The following AMMECR1 variants were observed in gnomAD, a reference collection of about 807,000 sequenced individuals.
AMMECR1 encodes AMMECR nuclear protein 1.
AMMECR1 carries 3 observed loss-of-function variants against 22.5 expected under a neutral mutation model. That is an observed-to-expected ratio of 0.13 (90% CI 0.06 to 0.35). AMMECR1 has a LOEUF of 0.35. Among genes scored for constraint, AMMECR1 ranks in the 10% least tolerant of loss-of-function variants. The pLI is 1.00. For missense variants in AMMECR1, 235 were observed against 278.7 expected, an observed-to-expected ratio of 0.84 and a Z score of 1.12; for synonymous variants, 130 against 116.7, an observed-to-expected ratio of 1.11 and a Z score of -0.74.
exon 1 of AMMECR1, chrX:110,439,947 G>A (rs759543802): frequency 2.7e-5 from 3 of 110,704 alleles, no homozygotes; most frequent in African/African-American, 9.9e-5. Context: ...AATGCCTGCC[G>A]AGTCAGTTGC....
At chrX:110,404,710 T>C (rs923275025) in intron 2 of AMMECR1, among the ~76,000 whole-genome samples, 115 of 111,599 alleles carry the variant, frequency 1.0e-3, no homozygotes, top group African/African-American at 3.6e-3. Flanking sequence ...CTAAAGGCCA[T>C]TTCTGACCAC....
At chrX:110,426,012 A>T (rs1230883195) in intron 2 of AMMECR1, among the ~76,000 whole-genome samples, 1 of 112,283 alleles carries the variant, frequency 8.9e-6, no homozygotes, top group Non-Finnish European at 1.9e-5. Context: ...GCACACACAC[A>T]CACACACACA....
chrX:110,239,443 A>G (rs962793136), intron 2 of AMMECR1, among the ~76,000 whole-genome samples: 7 of 111,316 alleles, frequency 6.3e-5, no homozygotes, highest in Non-Finnish European at 1.3e-4. Flanking sequence ...AGAAGAAAGG[A>G]TATCAGAGAT....
intron 2 of AMMECR1, among the ~76,000 whole-genome samples, chrX:110,367,146 G>GTCAT (rs1230199493): frequency 2.7e-5 from 3 of 111,632 alleles, no homozygotes; most frequent in African/African-American, 9.8e-5. Context: ...CCTAATCAAG[G>GTCAT]TCATTACTCA....
chrX:110,281,240 T>C (rs763231058), intron 1 of AMMECR1, among the ~76,000 whole-genome samples: 6 of 112,083 alleles, frequency 5.4e-5, no homozygotes, highest in Non-Finnish European at 9.4e-5. Flanking sequence ...ATTTGCCTCA[T>C]GGTAAGAATG....
intron 2 of AMMECR1, among the ~76,000 whole-genome samples, chrX:110,377,707 T>C (rs1300643684): frequency 9.0e-6 from 1 of 111,375 alleles, no homozygotes; most frequent in Non-Finnish European, 1.9e-5. Flanking sequence ...CTGCACACAT[T>C]TTTGATTTGT....
intron 1 of AMMECR1, among the ~76,000 whole-genome samples, chrX:110,306,109 G>A (rs966584208): frequency 1.8e-5 from 2 of 110,566 alleles, no homozygotes; most frequent in African/African-American, 3.3e-5. Context: ...GTGAAACCCC[G>A]TCTCTACTAA....
At chrX:110,346,923 G>A in intron 2 of AMMECR1, 1 of 555,137 alleles carries the variant, frequency 1.8e-6, no homozygotes, top group Non-Finnish European at 3.3e-6. Flanking sequence ...GAACGCGGGG[G>A]CCGGGCCGAT....
At position 110,405,095 on chromosome X, in the gene AMMECR1, C is replaced by G. The variant is rs569106423; in HGVS notation, c.-148+21563G>C. Among the ~76,000 whole-genome samples, 58 of 100,531 alleles carry G rather than the reference C, an allele frequency of 5.8e-4. 3 individuals carry two copies. The South Asian group carries it at 0.025, about 43-fold the overall frequency. 87.3% of individuals were successfully genotyped at this position (100,531 alleles called of 115,157 possible). A position where few individuals can be genotyped will look rare whatever the true frequency, so the allele number is the denominator to read the frequency against. ...TCAGGTGTGCTTGTTGTGTCCCCCC[C>G]CCCCCCAAGCATGAGTCAGAGCCTT... On this transcript the variant is annotated intron_variant, in intron 2 of 7. Transcript: ENST00000372057.
intron 2 of AMMECR1, among the ~76,000 whole-genome samples, chrX:110,233,094 C>T (rs1009071933): frequency 1.3e-4 from 14 of 108,696 alleles, no homozygotes; most frequent in South Asian, 1.2e-3. Flanking sequence ...GCTAGCAAGA[C>T]TAATAAGAAG....
intron 1 of AMMECR1, among the ~76,000 whole-genome samples, chrX:110,272,499 A>G (rs773322161): frequency 5.4e-5 from 6 of 112,008 alleles, no homozygotes; most frequent in Non-Finnish European, 1.1e-4. Context: ...AAAACAGTTA[A>G]GCGTTTTTTA....
At chrX:110,296,498 T>C (rs2067936540) in intron 1 of AMMECR1, among the ~76,000 whole-genome samples, 1 of 111,987 alleles carries the variant, frequency 8.9e-6, no homozygotes, top group Non-Finnish European at 1.9e-5. Context: ...CTTCAGGGAC[T>C]CCATTATGTG....
chrX:110,420,063 G>A (rs749753577), intron 2 of AMMECR1, among the ~76,000 whole-genome samples: 1 of 111,505 alleles, frequency 9.0e-6, no homozygotes, highest in South Asian at 3.8e-4. Context: ...TGAACTCAAG[G>A]CAGTCTGAGT....
At chrX:110,432,927 G>C (rs768237770) in intron 1 of AMMECR1, among the ~76,000 whole-genome samples, 3 of 112,813 alleles carry the variant, frequency 2.7e-5, no homozygotes, top group Non-Finnish European at 5.6e-5. Flanking sequence ...TGAGGACCCT[G>C]TGGTTCAGGG....
At chrX:110,314,049 C>T (rs775788105) in intron 1 of AMMECR1, among the ~76,000 whole-genome samples, 4 of 111,494 alleles carry the variant, frequency 3.6e-5, no homozygotes, top group Non-Finnish European at 5.7e-5. Context: ...TCAGAAACTC[C>T]GGGAATGGGG....
Position 110,282,723 on chromosome X carries a change from T to C in AMMECR1, c.474-18124A>G, listed in dbSNP as rs774476959. Among the ~76,000 whole-genome samples, 3 of 111,912 alleles carry C rather than the reference T, an allele frequency of 2.7e-5. No individual in the cohort carries two copies. In the South Asian group the frequency reaches 1.1e-3, roughly 42 times the overall value. ...TCTGGAAAATGTAAGATTATGGTGC[T>C]GATGGGGTACACCATGAGAGATTAT... is the stretch of plus-strand genomic sequence containing the variant. On this transcript the variant is annotated intron_variant, in intron 1 of 5. Transcript: ENST00000262844.
intron 2 of AMMECR1, among the ~76,000 whole-genome samples, chrX:110,226,074 C>T (rs919108842): frequency 9.0e-6 from 1 of 111,694 alleles, no homozygotes; most frequent in Non-Finnish European, 1.9e-5. Context: ...CTTTGGATGG[C>T]CTAAAGCTCC....
intron 1 of AMMECR1, among the ~76,000 whole-genome samples, chrX:110,436,421 G>T (rs1368855473): frequency 8.9e-6 from 1 of 111,978 alleles, no homozygotes; most frequent in East Asian, 2.8e-4. Flanking sequence ...TCTTTATAGA[G>T]ATAACTGCTG....
At chrX:110,288,685 C>A (rs1374685302) in intron 1 of AMMECR1, among the ~76,000 whole-genome samples, 3 of 111,779 alleles carry the variant, frequency 2.7e-5, no homozygotes, top group Non-Finnish European at 5.6e-5. Context: ...CAGTTAAATG[C>A]CAAACTATAC....
Sources: allele counts gnomAD v4.1 joint callset (sites outside exome capture counted in the v4.1 genomes callset), GRCh38; gene constraint gnomAD v4.1.1; transcripts MANE v1.5; gene names NCBI Gene and HGNC (gene_info 2026-07-23, HGNC 2026-07-21).